The following TSPAN5 variants were observed in gnomAD, a reference collection of about 807,000 sequenced individuals.
TSPAN5 encodes the protein tetraspanin-5.
In TSPAN5, 10 loss-of-function variants were observed where a neutral mutation model predicts 37.1. That is an observed-to-expected ratio of 0.27 (90% confidence interval 0.17 to 0.46). The LOEUF (loss-of-function observed/expected upper bound fraction) is 0.46, where lower values mean the gene tolerates loss of function less well. Ranked by LOEUF, TSPAN5 falls within the 20% of genes least tolerant of loss-of-function variation. The probability of loss-of-function intolerance (pLI) is 1.00; values close to 1 mark genes in which losing one functional copy is unlikely to be tolerated. For missense variants in TSPAN5, 195 were observed against 326.6 expected (o/e 0.60, Z 3.11); for synonymous variants, 110 against 118.9 (o/e 0.93, Z 0.48).
At chr4:98,552,005 A>T (rs11097621) in intron 1 of TSPAN5, among the ~76,000 whole-genome samples, 2 of 151,946 alleles carry the variant, frequency 1.3e-5, no homozygotes, top group East Asian at 3.9e-4. Flanking sequence ...GTTGTTAATA[A>T]TAATAGTCTC....
intron 1 of TSPAN5, among the ~76,000 whole-genome samples, chr4:98,584,327 T>C (rs1755439805): frequency 6.6e-6 from 1 of 152,220 alleles, no homozygotes; most frequent in Non-Finnish European, 1.5e-5. Context: ...ATGCAAGCAG[T>C]GAAAATACTC....
chr4:98,644,113 T>C (rs1757013746), intron 1 of TSPAN5, among the ~76,000 whole-genome samples: 2 of 151,890 alleles, frequency 1.3e-5, no homozygotes, highest in Non-Finnish European at 1.5e-5. Flanking sequence ...AGGAGATTTA[T>C]TGATTTATTT....
intron 1 of TSPAN5, among the ~76,000 whole-genome samples, chr4:98,651,228 A>C (rs188687746): frequency 1.2e-3 from 179 of 152,330 alleles, no homozygotes; most frequent in African/African-American, 3.9e-3. Context: ...GCACAGCCTG[A>C]ATCTAAGCTT....
chr4:98,608,046 G>A (rs568891260), intron 1 of TSPAN5, among the ~76,000 whole-genome samples: 15 of 152,126 alleles, frequency 9.9e-5, no homozygotes, highest in African/African-American at 9.6e-5. Context: ...TTCATAAGAT[G>A]GTATTTTTTC....
At chr4:98,632,864 G>C (rs1455317064) in intron 1 of TSPAN5, among the ~76,000 whole-genome samples, 1 of 152,180 alleles carries the variant, frequency 6.6e-6, no homozygotes, top group Non-Finnish European at 1.5e-5. Flanking sequence ...AGAAAGCACA[G>C]ACCGGGAGGA....
At chr4:98,549,877 TTTTAA>T (rs903045307) in intron 1 of TSPAN5, among the ~76,000 whole-genome samples, 7 of 152,122 alleles carry the variant, frequency 4.6e-5, no homozygotes, top group African/African-American at 9.7e-5. Flanking sequence ...TGCAGAATCT[TTTTAA>T]TTTAATTTAA....
At chr4:98,628,024 T>C (rs1258519238) in intron 1 of TSPAN5, among the ~76,000 whole-genome samples, 1 of 152,146 alleles carries the variant, frequency 6.6e-6, no homozygotes, top group East Asian at 1.9e-4. Context: ...CCCTGACAGG[T>C]CAAATTCCAT....
In TSPAN5 at chr4:98,490,923, G is replaced by A. The variant is rs1430863554; in HGVS notation, c.133-4039C>T. Among the ~76,000 whole-genome samples the A allele has an allele frequency of 5.9e-5, 9 of 152,184 alleles. No homozygotes were observed. The South Asian group carries it at 1.2e-3, about 21-fold the overall frequency. ...TAAAAATGCAAAAAATTAGCCGGGC[G>A]TGGCAGCACGCGCCTGTAGTTCCAG... On this transcript the variant is annotated intron_variant, in intron 2 of 7. Transcript: ENST00000305798.
chr4:98,572,563 C>T (rs1233041260), intron 1 of TSPAN5, among the ~76,000 whole-genome samples: 1 of 152,214 alleles, frequency 6.6e-6, no homozygotes, highest in Non-Finnish European at 1.5e-5. Context: ...CTCAGACATT[C>T]TGTTTTCAGA....
At chr4:98,616,133 C>A (rs1418351020) in intron 1 of TSPAN5, among the ~76,000 whole-genome samples, 1 of 152,018 alleles carries the variant, frequency 6.6e-6, no homozygotes, top group African/African-American at 2.4e-5. Flanking sequence ...TTCTCAGTCC[C>A]CACGTTAGCT....
At chr4:98,550,813 T>C (rs763203266) in intron 1 of TSPAN5, among the ~76,000 whole-genome samples, 2 of 152,208 alleles carry the variant, frequency 1.3e-5, no homozygotes, top group Non-Finnish European at 2.9e-5. Flanking sequence ...TAAGATCATA[T>C]CATCAGTGAA....
intron 1 of TSPAN5, among the ~76,000 whole-genome samples, chr4:98,567,741 A>G (rs1196050422): frequency 6.6e-6 from 1 of 151,078 alleles, no homozygotes; most frequent in South Asian, 2.1e-4. Flanking sequence ...AAAGGCAGGG[A>G]GGACTTTGGC....
intron 1 of TSPAN5, among the ~76,000 whole-genome samples, chr4:98,532,793 T>C (rs1345312365): frequency 6.6e-6 from 1 of 152,206 alleles, no homozygotes; most frequent in Non-Finnish European, 1.5e-5. Flanking sequence ...ATGCTTCCAG[T>C]GTTTCCTCAT....
intron 1 of TSPAN5, among the ~76,000 whole-genome samples, chr4:98,637,382 T>C (rs986401571): frequency 6.6e-6 from 1 of 152,204 alleles, no homozygotes; most frequent in African/African-American, 2.4e-5. Flanking sequence ...CATTATTTTT[T>C]TAATCCCTGT....
At chr4:98,620,613 C>T (rs978510240) in intron 1 of TSPAN5, among the ~76,000 whole-genome samples, 1 of 152,160 alleles carries the variant, frequency 6.6e-6, no homozygotes, top group African/African-American at 2.4e-5. Flanking sequence ...GGAAGTCATG[C>T]GAGCGCTCTC....
intron 1 of TSPAN5, among the ~76,000 whole-genome samples, chr4:98,563,958 TGCTGAG>T (rs1280301741): frequency 6.6e-6 from 1 of 152,162 alleles, no homozygotes; most frequent in Non-Finnish European, 1.5e-5. Flanking sequence ...ACGTCAACAG[TGCTGAG>T]GCTGAGAAAA....
At chr4:98,528,544 T>C (rs973451284) in intron 1 of TSPAN5, among the ~76,000 whole-genome samples, 1 of 152,132 alleles carries the variant, frequency 6.6e-6, no homozygotes, top group Non-Finnish European at 1.5e-5. Flanking sequence ...CATAATTATA[T>C]TGAACAAAAC....
chr4:98,629,716 A>G (rs1474909949), intron 1 of TSPAN5, among the ~76,000 whole-genome samples: 3 of 152,252 alleles, frequency 2.0e-5, no homozygotes, highest in African/African-American at 7.2e-5. Context: ...CAAAACAACT[A>G]TCAGGTTTAA....
intron 2 of TSPAN5, 24 bp downstream of exon 2, chr4:98,507,654 G>C (rs148415161): frequency 2.5e-6 from 4 of 1,588,664 alleles, no homozygotes; most frequent in Non-Finnish European, 1.7e-6. Context: ...CACGATGTGT[G>C]CATTGTCATG....
Sources: gnomAD v4.1 joint callset for allele counts (sites outside exome capture counted in the v4.1 genomes callset) on GRCh38, gnomAD v4.1.1 for gene constraint, MANE v1.5 for transcripts, NCBI Gene and HGNC (gene_info 2026-07-23, HGNC 2026-07-21) for gene names.